HSPH1: variants seen among roughly 807,000 people sequenced by gnomAD.
HSPH1 encodes heat shock protein 105 kDa.
Under a neutral mutation model 100.0 loss-of-function variants are expected in HSPH1, and 40 were observed. The observed-to-expected ratio is 0.40, with a 90% CI of 0.31 to 0.52. The LOEUF (loss-of-function observed/expected upper bound fraction) is 0.52, where lower values mean the gene tolerates loss of function less well. Among genes scored for constraint, HSPH1 ranks in the 20% least tolerant of loss-of-function variants. The probability of loss-of-function intolerance (pLI) is 0.54; values close to 1 mark genes in which losing one functional copy is unlikely to be tolerated. For synonymous variants in HSPH1, 403 were observed against 344.0 expected (o/e 1.17, Z -1.90); for missense variants, 876 against 1,015.1 (o/e 0.86, Z 1.86).
chr13:31,137,956 C>T (rs925094799), intron 17 of HSPH1, among the ~76,000 whole-genome samples: 5 of 152,110 alleles, frequency 3.3e-5, no homozygotes, highest in African/African-American at 1.2e-4. Context: ...TCCAGAAGAA[C>T]ACTTTTCCCA....
Position 31,161,786 on chromosome 13 carries a change from CTGA to C in HSPH1, c.-207_-205del, listed in dbSNP as rs1956928344. The C allele has an allele frequency of 1.2e-5, 18 of 1,497,368 alleles. No homozygotes were observed. The highest frequency in any genetic ancestry group is 1.4e-5 in the Non-Finnish European group (16 of 1,124,276). 92.8% of individuals were successfully genotyped at this position (1,497,368 alleles called of 1,614,324 possible). ...CTCCCCCGGGGACAGCGGCGGCTGGCTGATAAGAAACCCTGGGAGAAAGCGGGG... is the reference window on the plus strand; with the variant it reads ...CTCCCCCGGGGACAGCGGCGGCTGGCTAAGAAACCCTGGGAGAAAGCGGGG... On this transcript the variant is annotated 5_prime_UTR_variant, in exon 1 of 18. Transcript: ENST00000320027.
chr13:31,148,676 G>A (rs1036184700), intron 8 of HSPH1, among the ~76,000 whole-genome samples, 196 bp from the exon 9 acceptor site: 3 of 151,478 alleles, frequency 2.0e-5, no homozygotes, highest in Admixed American at 6.6e-5. Context: ...CAATTACTAG[G>A]TACAAAGACA....
At chr13:31,140,058 TTTG>T (rs1164439591) in intron 14 of HSPH1, 123 bp downstream of exon 14, 5 of 928,370 alleles carry the variant, frequency 5.4e-6, no homozygotes, top group Non-Finnish European at 7.9e-6. Context: ...TCTCCATAAC[TTTG>T]TTTTCTGTTT....
rs771566967 is a variant in HSPH1 at position 31,150,028 on chromosome 13, C to T, written c.1063G>A (p.Ala355Thr). 45 of 1,613,874 alleles carry T rather than the reference C, an allele frequency of 2.8e-5. No homozygotes were observed. The highest frequency in any genetic ancestry group is 3.6e-5 in the Non-Finnish European group (43 of 1,179,836). The change falls in exon 8 of 18, where the codon GCC becomes ACC. Residue 355 changes from alanine (A) to threonine (T), a missense_variant. Physicochemically the swap from Ala to Thr is moderately conservative, Grantham distance 58. Transcript: ENST00000320027. ...CTAATATCTTTTCCAAAGAATTTGGCAATTCTTTCCTTCACAGCTGGAATT... is the reference window on the plus strand; with the variant it reads ...CTAATATCTTTTCCAAAGAATTTGGTAATTCTTTCCTTCACAGCTGGAATT... ...TRIPAVKERIAKFFGKDISTT... is the reference protein window; with the variant it reads ...TRIPAVKERITKFFGKDISTT...
rs374165773 is a variant in HSPH1, at chr13:31,151,681, T to C, written c.591A>G (p.Ile197Met). The change falls in exon 6 of 18, where the codon ATA becomes ATG. Residue 197 changes from isoleucine to methionine, a missense_variant. Physicochemically the swap from Ile to Met is conservative, Grantham distance 10. Coordinates refer to ENST00000320027, the MANE Select transcript of HSPH1 (RefSeq NM_006644.4). Reference sequence around the variant, plus strand: ...AATGTCCCATATCAACAAAAACCACTATCCGAGGTTTCTCATCCAGGCTTG... The same window carrying C: ...AATGTCCCATATCAACAAAAACCACCATCCGAGGTTTCTCATCCAGGCTTG... The part of the protein sequence containing the change: ...DLPSLDEKPR[I>M]VVFVDMGHSA... 1.9e-5 allele frequency: 30 copies of C among 1,612,410 alleles called. No individual in the cohort carries two copies. The South Asian group carries it at 3.1e-4, about 17-fold the overall frequency.
chr13:31,138,394 C>T lies in HSPH1; in HGVS notation c.2370+13G>A, dbSNP rs1955960771. 2 of 1,611,592 alleles carry T rather than the reference C, an allele frequency of 1.2e-6. No homozygotes were observed. The highest frequency in any genetic ancestry group is 1.7e-5 in the Admixed American group (1 of 59,704). On this transcript the variant is annotated intron_variant, in intron 17 of 17. Coordinates refer to ENST00000320027, the MANE Select transcript of HSPH1 (RefSeq NM_006644.4). The stretch of plus-strand genomic sequence containing the variant: ...AGTGAACCCAGCAGTAAACACGAGA[C>T]AGTAACACTCACCTTGATTTTTGTT...
At chr13:31,153,513 G>A (rs1344550902) in intron 4 of HSPH1, among the ~76,000 whole-genome samples, 1 of 152,154 alleles carries the variant, frequency 6.6e-6, no homozygotes, top group Admixed American at 6.5e-5. Context: ...TTTCCTAAGA[G>A]TAAAAACAAC....
At position 31,145,639 on chromosome 13, in the gene HSPH1, G is replaced by T. The variant is rs749310810; in HGVS notation, c.1508C>A (p.Thr503Asn). ...STASMVEKVP[T>N]EENEMSSEAD... ...TTCAGAAGACATTTCATTCTCCTCAGTTGGGACTTTCTCCACCATAGATGC... is the reference window on the plus strand; with the variant it reads ...TTCAGAAGACATTTCATTCTCCTCATTTGGGACTTTCTCCACCATAGATGC... The change falls in exon 11 of 18, where the codon ACT becomes AAT. Residue 503 changes from threonine to asparagine, a missense_variant. By Grantham distance (65) the Thr-to-Asn change is moderately conservative. Coordinates refer to ENST00000320027, the MANE Select transcript of HSPH1 (RefSeq NM_006644.4). 9.3e-6 allele frequency: 15 copies of T among 1,613,510 alleles called. No homozygotes were observed. The highest frequency in any genetic ancestry group is 1.7e-5 in the Admixed American group (1 of 59,886).
intron 7 of HSPH1, 68 bp from the exon 8 acceptor site, chr13:31,150,250 A>G (rs1012493457): frequency 1.8e-6 from 2 of 1,111,472 alleles, no homozygotes; most frequent in African/African-American, 3.2e-5. Flanking sequence ...TGACAACCCA[A>G]TGAATTTCAT....
rs746543355 is a variant in HSPH1, at chr13:31,161,496, C to T, written c.87G>A (p.Glu29=). The change falls in exon 1 of 18, where the codon GAG becomes GAA. Residue 29 remains glutamate (E), a synonymous_variant. Transcript: ENST00000320027. ...RAGGIETIAN[E]FSDRCTPSVI... is the part of the protein sequence containing the mutation. ...CTTACGGGGTGCACCGGTCGCTGAA[C>T]TCATTGGCGATGGTCTCGATGCCCC... The T allele has an allele frequency of 3.1e-6, 5 of 1,614,078 alleles. No individual in the cohort carries two copies. Among genetic ancestry groups the T allele is most frequent in the South Asian group, 1.1e-5 (1 of 91,080 alleles).
Position 31,140,276 on chromosome 13 carries a change from C to A in HSPH1, c.1888G>T (p.Glu630Ter). ...ACTGCATTTTTAGCATCATTCCTTT[C>A]TTTTTCCAATTTATCTTGCATTATC... ...KMIMQDKLEKERNDAKNAVEE... is the reference protein window; with the variant it reads ...KMIMQDKLEK Residue 630 changes from glutamate (E) to a stop codon, truncating the protein, a stop_gained, in exon 14 of 18, where the codon GAA becomes TAA. Transcript: ENST00000320027. LOFTEE classifies it high-confidence loss of function. The A allele has an allele frequency of 6.2e-7, 1 of 1,611,004 alleles. No homozygotes were observed.
In HSPH1 at chr13:31,137,363, T is replaced by C. The variant is rs1173094248; in HGVS notation, c.2532A>G (p.Glu844=). 1 of 1,613,326 alleles carries C rather than the reference T, an allele frequency of 6.2e-7. No homozygotes were observed. The highest frequency in any genetic ancestry group is 8.5e-7 in the Non-Finnish European group (1 of 1,179,480). ...CAGAATTTTTCTCATTAGGGTAACA[T>C]TCACCATTCTGATGTGGAGGTTCAG... ...FGAEPPHQNG[E]CYPNEKNSVN... Residue 844 remains glutamate, a synonymous_variant, in exon 18 of 18, where the codon GAA becomes GAG. Transcript: ENST00000320027.
intron 2 of HSPH1, 110 bp from the exon 3 acceptor site, chr13:31,155,764 C>T: frequency 1.2e-6 from 1 of 809,572 alleles, no homozygotes; most frequent in Non-Finnish European, 1.9e-6. Flanking sequence ...CCTATGAGTG[C>T]ACATAAGTTG....
Position 31,151,843 on chromosome 13 carries a change from A to G in HSPH1, c.530-101T>C, listed in dbSNP as rs1372651653. On this transcript the variant is annotated intron_variant, in intron 5 of 17. Coordinates refer to ENST00000320027, the MANE Select transcript of HSPH1 (RefSeq NM_006644.4). ...TGCAGGAAGCTTGACTATTAACTTGAAACAATTAAAGGTGAACACATTACA... is the reference window on the plus strand; with the variant it reads ...TGCAGGAAGCTTGACTATTAACTTGGAACAATTAAAGGTGAACACATTACA... The G allele has an allele frequency of 3.1e-6, 3 of 982,132 alleles. No individual in the cohort carries two copies. The East Asian group carries it at 7.5e-5, about 24-fold the overall frequency. 60.8% of individuals were successfully genotyped at this position (982,132 alleles called of 1,614,324 possible). A position where few individuals can be genotyped will look rare whatever the true frequency, so the allele number is the denominator to read the frequency against.
intron 1 of HSPH1, 72 bp downstream of exon 1, chr13:31,161,404 G>T: frequency 6.4e-7 from 1 of 1,573,236 alleles, no homozygotes; most frequent in African/African-American, 1.3e-5. Context: ...CGTACAGCCA[G>T]CCCGCGATCT....
In HSPH1 at chr13:31,137,366, A is replaced by C. The variant is rs770380798; in HGVS notation, c.2529T>G (p.Gly843=). ...NFGAEPPHQN[G]ECYPNEKNSV... is the part of the protein sequence containing the mutation. ...AATTTTTCTCATTAGGGTAACATTC[A>C]CCATTCTGATGTGGAGGTTCAGCAC... Residue 843 remains glycine (G), a synonymous_variant, in exon 18 of 18, where the codon GGT becomes GGG. Transcript: ENST00000320027. The C allele has an allele frequency of 6.2e-7, 1 of 1,613,378 alleles. No individual in the cohort carries two copies. The highest frequency in any genetic ancestry group is 2.2e-5 in the East Asian group (1 of 44,844).
chr13:31,153,058 G>T, intron 4 of HSPH1, 107 bp from the exon 5 acceptor site: 1 of 706,770 alleles, frequency 1.4e-6, no homozygotes, highest in Non-Finnish European at 2.4e-6. Flanking sequence ...TAGGTGCCTC[G>T]CCAAGTCACA....
At chr13:31,152,828 T>C in intron 5 of HSPH1, 24 bp downstream of exon 5, 1 of 1,461,592 alleles carries the variant, frequency 6.8e-7, no homozygotes, top group South Asian at 1.1e-5. Flanking sequence ...TATATTCACT[T>C]CCACACAAAT....
At position 31,151,179 on chromosome 13, in the gene HSPH1, C is replaced by T. The variant is rs994110035; in HGVS notation, c.676G>A (p.Ala226Thr). The change falls in exon 7 of 18, where the codon GCT becomes ACT. Residue 226 changes from alanine (A) to threonine (T), a missense_variant. Ala to Thr is a moderately conservative substitution (Grantham distance 58, BLOSUM62 0). Coordinates refer to ENST00000320027, the MANE Select transcript of HSPH1 (RefSeq NM_006644.4). The part of the protein sequence containing the change: ...NKGKLKVLGT[A>T]FDPFLGGKNF... ...TTTCCTCCTAAGAAAGGATCAAAAG[C>T]TGTTCCCAGTACCTAATTTGGTTGA... 1 of 1,609,808 alleles carries T rather than the reference C, an allele frequency of 6.2e-7. No individual in the cohort carries two copies. Among genetic ancestry groups the T allele is most frequent in the African/African-American group, 1.3e-5 (1 of 74,718 alleles).
Sources: allele counts gnomAD v4.1 joint callset (sites outside exome capture counted in the v4.1 genomes callset), GRCh38; gene constraint gnomAD v4.1.1; transcripts MANE v1.5; gene names NCBI Gene and HGNC (gene_info 2026-07-23, HGNC 2026-07-21).